The following TAOK1 variants were observed in gnomAD, a reference collection of about 807,000 sequenced individuals.
The protein encoded by TAOK1 is serine/threonine-protein kinase TAO1.
Under a neutral mutation model 138.3 loss-of-function variants are expected in TAOK1, and 21 were observed. The ratio of observed to expected loss-of-function variants is 0.15; its 90% CI spans 0.11 to 0.22. TAOK1 has a LOEUF of 0.22. Among genes scored for constraint, TAOK1 ranks in the 10% least tolerant of loss-of-function variants. The pLI, the probability that TAOK1 is intolerant of heterozygous loss-of-function variation, is 1.00. For missense variants in TAOK1, 651 were observed against 1,227.7 expected (o/e 0.53, Z 7.02); for synonymous variants, 361 against 398.4 (o/e 0.91, Z 1.12).
chr17:29,490,658 A>T (rs2031279044), intron 9 of TAOK1, among the ~76,000 whole-genome samples: 1 of 152,192 alleles, frequency 6.6e-6, no homozygotes, highest in Non-Finnish European at 1.5e-5. Flanking sequence ...ATCTTTTGAC[A>T]CTGAGTTTAG....
Position 29,475,341 on chromosome 17 carries a change from A to C in TAOK1, c.205-329A>C, listed in dbSNP as rs558342103. On this transcript the variant is annotated intron_variant, in intron 3 of 19. Coordinates refer to ENST00000261716, the MANE Select transcript of TAOK1 (RefSeq NM_020791.4). ...AATCACTTGAGGTCAGGAGTTTGAG[A>C]CCAGTCTGAGCAATGCAGTGAAACC... is the stretch of plus-strand genomic sequence containing the variant. Among the ~76,000 whole-genome samples, 13 of 152,240 alleles carry C rather than the reference A, an allele frequency of 8.5e-5. No individual in the cohort carries two copies. In the East Asian group the frequency reaches 2.5e-3, roughly 29 times the overall value.
chr17:29,533,322 T>G (rs1025106933), intron 18 of TAOK1, among the ~76,000 whole-genome samples: 1 of 143,800 alleles, frequency 7.0e-6, no homozygotes, highest in African/African-American at 2.6e-5. Flanking sequence ...CTAGATGGGA[T>G]GGCGGCCGGG....
chr17:29,415,189 G>A (rs1044369050), intron 1 of TAOK1, among the ~76,000 whole-genome samples: 3 of 151,966 alleles, frequency 2.0e-5, no homozygotes, highest in Non-Finnish European at 4.4e-5. Context: ...GGGCTGGTCT[G>A]AACTCCTGAG....
In TAOK1 at chr17:29,409,328, TA is replaced by T. The variant is rs1905082955; in HGVS notation, c.-95+18305del. 4.9e-3 allele frequency among the ~76,000 whole-genome samples: 365 copies of T among 75,114 alleles called. 1 individual carries two copies. The highest frequency in any genetic ancestry group is 0.023 in the East Asian group (44 of 1,904). 49.3% of individuals were successfully genotyped at this position (75,114 alleles called of 152,430 possible). A position where few individuals can be genotyped will look rare whatever the true frequency, so the allele number is the denominator to read the frequency against. On this transcript the variant is annotated intron_variant, in intron 1 of 19. Coordinates refer to ENST00000261716, the MANE Select transcript of TAOK1 (RefSeq NM_020791.4). ...ATGGACATATATATATATATATATA[TA>T]TATATTTTTTTTTTTTTTTTTTTGA...
chr17:29,432,180 A>T (rs957192114), intron 1 of TAOK1, among the ~76,000 whole-genome samples: 1 of 152,204 alleles, frequency 6.6e-6, no homozygotes, highest in African/African-American at 2.4e-5. Context: ...TATTGACAGC[A>T]AGCCAGTGAT....
chr17:29,475,659 T>G lies in TAOK1; in HGVS notation c.205-11T>G. 6.4e-7 allele frequency: 1 copy of G among 1,567,872 alleles called. No individual in the cohort carries two copies. Among genetic ancestry groups the G allele is most frequent in the Non-Finnish European group, 8.7e-7 (1 of 1,144,476 alleles). The stretch of plus-strand genomic sequence containing the variant: ...CCTGTTCATAATTCTTTACCTTTTT[T>G]CTCCCCACAGAAATGGCAGGATATT... On this transcript the variant is annotated splice_polypyrimidine_tract_variant and intron_variant, in intron 3 of 19. Transcript: ENST00000261716.
intron 1 of TAOK1, among the ~76,000 whole-genome samples, chr17:29,444,828 T>C (rs2030036825): frequency 6.6e-6 from 1 of 152,210 alleles, no homozygotes; most frequent in African/African-American, 2.4e-5. Flanking sequence ...TTTAATTAGG[T>C]TGACTTTGAT....
chr17:29,498,232 G>A (rs2031450381), intron 11 of TAOK1, 86 bp from the exon 12 acceptor site: 1 of 1,351,518 alleles, frequency 7.4e-7, no homozygotes, highest in Non-Finnish European at 1.0e-6. Context: ...TCTGCCAAGT[G>A]GTATGCTAGG....
chr17:29,534,089 T>G (rs775315848), intron 18 of TAOK1, 29 bp from the exon 19 acceptor site: 2 of 1,562,332 alleles, frequency 1.3e-6, no homozygotes, highest in Non-Finnish European at 1.7e-6. Flanking sequence ...GATATATCTT[T>G]TTTTTTTCTC....
At chr17:29,413,517 G>A (rs1365592324) in intron 1 of TAOK1, among the ~76,000 whole-genome samples, 1 of 152,132 alleles carries the variant, frequency 6.6e-6, no homozygotes, top group Non-Finnish European at 1.5e-5. Flanking sequence ...GATCACTTGA[G>A]TCCAGGAGGC....
chr17:29,546,883 T>C lies in TAOK1; in HGVS notation c.*3861T>C, dbSNP rs1254460562. The stretch of plus-strand genomic sequence containing the variant: ...AGAATGAGTACTCTGCGTTGATGTT[T>C]ATGAGAAGGTGGTCATTAGATGCAG... On this transcript the variant is annotated 3_prime_UTR_variant, in exon 20 of 20. Transcript: ENST00000261716. 6.6e-6 allele frequency: 1 copy of C among 152,154 alleles called. No homozygotes were observed. The highest frequency in any genetic ancestry group is 2.4e-5 in the African/African-American group (1 of 41,452). 9.4% of individuals were successfully genotyped at this position (152,154 alleles called of 1,614,324 possible). A position where few individuals can be genotyped will look rare whatever the true frequency, so the allele number is the denominator to read the frequency against.
rs189473147 is a variant in TAOK1, at chr17:29,432,711, G to T, written c.-94-18744G>T. ...GCTGGTCTTGAACTCCTAACCTCAG[G>T]TGATCCACCCACCTTGGCCTCCCAA... On this transcript the variant is annotated intron_variant, in intron 1 of 19. Coordinates refer to ENST00000261716, the MANE Select transcript of TAOK1 (RefSeq NM_020791.4). Among the ~76,000 whole-genome samples, 5 of 152,124 alleles carry T rather than the reference G, an allele frequency of 3.3e-5. No homozygotes were observed. In the East Asian group the frequency reaches 7.7e-4, roughly 24 times the overall value.
chr17:29,486,116 T>C (rs1272356492), intron 8 of TAOK1, among the ~76,000 whole-genome samples: 1 of 151,834 alleles, frequency 6.6e-6, no homozygotes, highest in African/African-American at 2.4e-5. Flanking sequence ...AGAAACCCCA[T>C]CTCTACAAAA....
intron 18 of TAOK1, among the ~76,000 whole-genome samples, chr17:29,532,102 C>T (rs2032124998): frequency 6.6e-6 from 1 of 151,988 alleles, no homozygotes; most frequent in South Asian, 2.1e-4. Context: ...CCTTGTGATC[C>T]GCCCGCCTCA....
At chr17:29,521,011 G>A (rs1173954287) in intron 16 of TAOK1, among the ~76,000 whole-genome samples, 7 of 151,772 alleles carry the variant, frequency 4.6e-5, no homozygotes, top group Admixed American at 4.6e-4. Context: ...GGTCGACAGA[G>A]TGACACTCAG....
rs58117433 is a variant in TAOK1, at chr17:29,394,150, G to GTTTTTTTTT, written c.-95+3151_-95+3159dup. ...TATGATTTATTTTAATAATTTGCCA[G>GTTTTTTTTT]TTTTTTTTTTTTTTTTTTTTTTTTT... On this transcript the variant is annotated intron_variant, in intron 1 of 19. Transcript: ENST00000261716. Among the ~76,000 whole-genome samples the GTTTTTTTTT allele has an allele frequency of 3.4e-3, 166 of 48,286 alleles. 27 individuals are homozygous for GTTTTTTTTT. The highest frequency in any genetic ancestry group is 3.8e-3 in the Non-Finnish European group (105 of 27,604). The allele number at this position is 48,286 out of a possible 152,430, so 31.7% of individuals were successfully genotyped here. A position where few individuals can be genotyped will look rare whatever the true frequency, so the allele number is the denominator to read the frequency against.
At chr17:29,467,946 C>T (rs1459374111) in intron 3 of TAOK1, among the ~76,000 whole-genome samples, 1 of 151,230 alleles carries the variant, frequency 6.6e-6, no homozygotes, top group Admixed American at 6.6e-5. Context: ...CCTGCTTCAG[C>T]CTCCAGAGTA....
At chr17:29,441,118 A>G (rs937126582) in intron 1 of TAOK1, among the ~76,000 whole-genome samples, 1 of 152,162 alleles carries the variant, frequency 6.6e-6, no homozygotes, top group Non-Finnish European at 1.5e-5. Context: ...CTATATTCAT[A>G]AGGGGTATTG....
intron 8 of TAOK1, among the ~76,000 whole-genome samples, chr17:29,486,683 T>G (rs1387306601): frequency 6.6e-6 from 1 of 152,144 alleles, no homozygotes; most frequent in African/African-American, 2.4e-5. Context: ...ACATTGTAAA[T>G]TTGGTGAATC....
Sources: allele counts gnomAD v4.1 joint callset (sites outside exome capture counted in the v4.1 genomes callset), GRCh38; gene constraint gnomAD v4.1.1; transcripts MANE v1.5; gene names NCBI Gene and HGNC (gene_info 2026-07-23, HGNC 2026-07-21).